The following UBAC2 variants were observed in gnomAD, a reference collection of about 807,000 sequenced individuals.
UBAC2 encodes UBA domain containing 2, also known as ubiquitin-associated domain-containing protein 2.
Under a neutral mutation model 44.0 loss-of-function variants are expected in UBAC2, and 26 were observed. The observed-to-expected ratio is 0.59, with a 90% CI of 0.43 to 0.82. The LOEUF (loss-of-function observed/expected upper bound fraction) is 0.82, where lower values mean the gene tolerates loss of function less well. UBAC2 is among the 40% of genes least tolerant of loss of function. The pLI is 0.00. For synonymous variants in UBAC2, 155 were observed against 154.3 expected, an observed-to-expected ratio of 1.00 and a Z score of -0.04; for missense variants, 329 against 419.4, an observed-to-expected ratio of 0.78 and a Z score of 1.88.
At chr13:99,281,590 G>A (rs1458444318) in intron 4 of UBAC2, among the ~76,000 whole-genome samples, 1 of 152,164 alleles carries the variant, frequency 6.6e-6, no homozygotes, top group Non-Finnish European at 1.5e-5. Context: ...GAGGAAACAG[G>A]CTCAGAAACC....
At position 99,338,047 on chromosome 13, in the gene UBAC2, C is replaced by CTTTTTTTTTTTT. The variant is rs869112086; in HGVS notation, c.562-2256_562-2245dup. ...ATCTCCTAACTTTTTTTCTTTTTTT[C>CTTTTTTTTTTTT]TTTTTTTTTTTTTTTTTTTTTTTTT... On this transcript the variant is annotated intron_variant, in intron 6 of 8. Transcript: ENST00000403766. Among the ~76,000 whole-genome samples, 316 of 48,866 alleles carry CTTTTTTTTTTTT rather than the reference C, an allele frequency of 6.5e-3. 27 individuals carry two copies. The highest frequency in any genetic ancestry group is 0.04 in the Middle Eastern group (2 of 50). 32.1% of individuals were successfully genotyped at this position (48,866 alleles called of 152,430 possible). A position where few individuals can be genotyped will look rare whatever the true frequency, so the allele number is the denominator to read the frequency against.
At chr13:99,342,776 A>AT (rs2138836473) in intron 7 of UBAC2, among the ~76,000 whole-genome samples, 1 of 151,694 alleles carries the variant, frequency 6.6e-6, no homozygotes, top group Admixed American at 6.5e-5. Context: ...CCGACCAACC[A>AT]GGTGATCTGC....
chr13:99,370,727 G>C (rs560271121), intron 8 of UBAC2, among the ~76,000 whole-genome samples: 1 of 152,138 alleles, frequency 6.6e-6, no homozygotes, highest in Non-Finnish European at 1.5e-5. Context: ...CCACTGTCAC[G>C]TGCCCATTGA....
intron 2 of UBAC2, among the ~76,000 whole-genome samples, chr13:99,238,924 C>T (rs2043270063): frequency 6.6e-6 from 1 of 152,194 alleles, no homozygotes; most frequent in African/African-American, 2.4e-5. Flanking sequence ...AGGAGCTAGG[C>T]TCTGTCAGCT....
chr13:99,267,771 A>G (rs779504180), intron 4 of UBAC2, among the ~76,000 whole-genome samples: 3 of 152,236 alleles, frequency 2.0e-5, no homozygotes, highest in Non-Finnish European at 4.4e-5. Context: ...ATACCAAAAT[A>G]TAGTGTGTTT....
At chr13:99,376,302 C>T (rs2045479352) in intron 8 of UBAC2, among the ~76,000 whole-genome samples, 1 of 152,210 alleles carries the variant, frequency 6.6e-6, no homozygotes, top group Non-Finnish European at 1.5e-5. Flanking sequence ...AAGTGTCACA[C>T]CAGGGCTGGT....
chr13:99,294,685 AG>A (rs2044141356), intron 4 of UBAC2: 1 of 156,128 alleles, frequency 6.4e-6, no homozygotes, highest in African/African-American at 2.4e-5. Context: ...TTATTTAAAA[AG>A]TATGTTACAG....
intron 7 of UBAC2, chr13:99,351,531 T>C (rs1298298271): frequency 1.1e-5 from 5 of 456,606 alleles, no homozygotes; most frequent in Non-Finnish European, 2.2e-5. Flanking sequence ...AGCCAGCAGC[T>C]TTCAAAGTAA....
intron 4 of UBAC2, among the ~76,000 whole-genome samples, chr13:99,244,980 G>A (rs765592145): frequency 1.3e-5 from 2 of 152,018 alleles, no homozygotes; most frequent in East Asian, 3.9e-4. Context: ...CTACAGGCAC[G>A]TGCCACCATG....
chr13:99,297,501 A>C (rs759407022), intron 4 of UBAC2, among the ~76,000 whole-genome samples: 1 of 152,114 alleles, frequency 6.6e-6, no homozygotes, highest in South Asian at 2.1e-4. Context: ...ACTTCATTCT[A>C]ACAACCTTAA....
chr13:99,360,132 A>G (rs2045245773), intron 7 of UBAC2, among the ~76,000 whole-genome samples: 1 of 152,188 alleles, frequency 6.6e-6, no homozygotes, highest in Non-Finnish European at 1.5e-5. Context: ...AACTTGTACG[A>G]GCAGTCAGCT....
At chr13:99,356,027 A>T (rs1482749507) in intron 7 of UBAC2, 1 of 403,844 alleles carries the variant, frequency 2.5e-6, no homozygotes, top group Non-Finnish European at 5.5e-6. Context: ...TGTTTGTAAA[A>T]TTGTACCTAT....
chr13:99,205,986 G>C (rs2142639879), intron 1 of UBAC2: 1 of 153,400 alleles, frequency 6.5e-6, no homozygotes, highest in South Asian at 2.1e-4. Flanking sequence ...GGTAGGTTGT[G>C]TCAATAAAGC....
chr13:99,381,539 A>G (rs1043208774), intron 8 of UBAC2, among the ~76,000 whole-genome samples: 1 of 152,198 alleles, frequency 6.6e-6, no homozygotes, highest in Non-Finnish European at 1.5e-5. Flanking sequence ...TTTGGGGGCC[A>G]TGGCATCATG....
chr13:99,345,279 G>A (rs2138841740), intron 7 of UBAC2, among the ~76,000 whole-genome samples: 2 of 151,024 alleles, frequency 1.3e-5, no homozygotes, highest in South Asian at 4.2e-4. Flanking sequence ...CTTGGACATT[G>A]GCTGTGAAAA....
At chr13:99,265,468 G>A (rs2043730320) in intron 4 of UBAC2, among the ~76,000 whole-genome samples, 1 of 152,212 alleles carries the variant, frequency 6.6e-6, no homozygotes, top group African/African-American at 2.4e-5. Context: ...TAACATGAAT[G>A]GAACATTTGA....
intron 7 of UBAC2, among the ~76,000 whole-genome samples, chr13:99,360,468 G>A (rs967193106): frequency 1.3e-5 from 2 of 152,220 alleles, no homozygotes; most frequent in African/African-American, 4.8e-5. Flanking sequence ...ATGCATCTAA[G>A]GTGTTACAAT....
intron 4 of UBAC2, among the ~76,000 whole-genome samples, chr13:99,300,718 G>T (rs1160000847): frequency 6.6e-6 from 1 of 152,154 alleles, no homozygotes; most frequent in Non-Finnish European, 1.5e-5. Context: ...GGAACTGAAG[G>T]GTGAATATAT....
At chr13:99,278,295 C>T (rs1247692495) in intron 4 of UBAC2, among the ~76,000 whole-genome samples, 1 of 152,094 alleles carries the variant, frequency 6.6e-6, no homozygotes, top group Non-Finnish European at 1.5e-5. Context: ...ATTATTAATA[C>T]ATGTGGCAAT....
Sources: allele counts gnomAD v4.1 joint callset (sites outside exome capture counted in the v4.1 genomes callset), GRCh38; gene constraint gnomAD v4.1.1; transcripts MANE v1.5; gene names NCBI Gene and HGNC (gene_info 2026-07-23, HGNC 2026-07-21).